The following FBN2 variants were observed in gnomAD, a reference collection of about 807,000 sequenced individuals.
FBN2 encodes the protein fibrillin-2.
In FBN2, 105 loss-of-function variants were observed where a neutral mutation model predicts 355.6. The ratio of observed to expected loss-of-function variants is 0.30; its 90% CI spans 0.25 to 0.35. The LOEUF (loss-of-function observed/expected upper bound fraction) is 0.35, where lower values mean the gene tolerates loss of function less well. FBN2 is among the 10% of genes least tolerant of loss of function. FBN2 has a pLI of 1.00. For synonymous variants in FBN2, 1,350 were observed against 1,301.2 expected (o/e 1.04, Z -0.81); for missense variants, 3,280 against 3,758.7 (o/e 0.87, Z 3.33).
intron 55 of FBN2, among the ~76,000 whole-genome samples, chr5:128,284,862 A>G (rs1377552425): frequency 1.3e-5 from 2 of 152,220 alleles, no homozygotes; most frequent in African/African-American, 4.8e-5. Context: ...ACTGCAGTGT[A>G]GAAATGGGTC....
intron 5 of FBN2, among the ~76,000 whole-genome samples, chr5:128,493,959 A>G (rs928071679): frequency 6.6e-6 from 1 of 152,150 alleles, no homozygotes; most frequent in African/African-American, 2.4e-5. Flanking sequence ...AAACCAGGGG[A>G]TGACAGCAGG....
At chr5:128,536,258 A>C in intron 2 of FBN2, 144 bp downstream of exon 2, 1 of 719,954 alleles carries the variant, frequency 1.4e-6, no homozygotes, top group Admixed American at 2.0e-5. Context: ...CCACTATTCA[A>C]ATGGGGCCGC....
At chr5:128,319,470 TTTAG>T (rs1232617210) in intron 34 of FBN2, among the ~76,000 whole-genome samples, 5 of 151,290 alleles carry the variant, frequency 3.3e-5, no homozygotes, top group East Asian at 3.9e-4. Context: ...AAATTAACTT[TTTAG>T]TTAATTTAGT....
intron 5 of FBN2, among the ~76,000 whole-genome samples, chr5:128,469,965 C>G (rs757152224): frequency 5.3e-5 from 8 of 152,154 alleles, no homozygotes; most frequent in Admixed American, 4.6e-4. Flanking sequence ...AAGATGCACA[C>G]TAATGAGTCA....
chr5:128,475,042 T>G (rs1266594512), intron 5 of FBN2, among the ~76,000 whole-genome samples: 1 of 152,172 alleles, frequency 6.6e-6, no homozygotes, highest in African/African-American at 2.4e-5. Flanking sequence ...CAAGTGACCC[T>G]GCTGGCACTG....
At chr5:128,350,419 C>T (rs1561784144) in intron 21 of FBN2, among the ~76,000 whole-genome samples, 1 of 152,228 alleles carries the variant, frequency 6.6e-6, no homozygotes, top group South Asian at 2.1e-4. Context: ...GGCATGGTGG[C>T]GGGCACCTCT....
chr5:128,473,252 C>T (rs1373309602), intron 5 of FBN2, among the ~76,000 whole-genome samples: 1 of 152,186 alleles, frequency 6.6e-6, no homozygotes, highest in Non-Finnish European at 1.5e-5. Context: ...TGTACCCTCA[C>T]ACTCTCTCCA....
At chr5:128,331,497 C>T (rs1308798034) in intron 32 of FBN2, among the ~76,000 whole-genome samples, 5 of 152,104 alleles carry the variant, frequency 3.3e-5, no homozygotes, top group Admixed American at 6.6e-5. Context: ...AGTGGAAACC[C>T]GCAGCCAAGG....
At chr5:128,461,272 T>A (rs1358075999) in intron 6 of FBN2, among the ~76,000 whole-genome samples, 1 of 152,194 alleles carries the variant, frequency 6.6e-6, no homozygotes, top group Non-Finnish European at 1.5e-5. Context: ...TCACTGATCA[T>A]CAGATAAATG....
intron 8 of FBN2, among the ~76,000 whole-genome samples, chr5:128,399,039 T>C (rs2126986600): frequency 6.6e-6 from 1 of 152,264 alleles, no homozygotes. Context: ...GAAAACAGAC[T>C]AATACAACAT....
intron 4 of FBN2, among the ~76,000 whole-genome samples, chr5:128,523,219 C>G (rs1375044244): frequency 7.9e-5 from 12 of 152,098 alleles, no homozygotes; most frequent in Admixed American, 7.9e-4. Flanking sequence ...GCATTCTAAA[C>G]CAAGTTAAAA....
At chr5:128,475,380 T>A (rs1194954950) in intron 5 of FBN2, among the ~76,000 whole-genome samples, 1 of 152,010 alleles carries the variant, frequency 6.6e-6, no homozygotes, top group African/African-American at 2.4e-5. Context: ...GGAGAGTGAA[T>A]CCTTTCAATA....
intron 56 of FBN2, 49 bp downstream of exon 56, chr5:128,280,143 G>T: frequency 1.3e-6 from 2 of 1,514,834 alleles, no homozygotes; most frequent in South Asian, 2.3e-5. Context: ...ATGACATCAT[G>T]AACAGATGTT....
At chr5:128,397,067 T>C (rs1752670051) in intron 8 of FBN2, among the ~76,000 whole-genome samples, 1 of 152,144 alleles carries the variant, frequency 6.6e-6, no homozygotes, top group Non-Finnish European at 1.5e-5. Context: ...ACTCCTTCTA[T>C]TTCTCCCCAA....
At chr5:128,411,949 C>T (rs979752256) in intron 7 of FBN2, among the ~76,000 whole-genome samples, 1 of 152,136 alleles carries the variant, frequency 6.6e-6, no homozygotes, top group Non-Finnish European at 1.5e-5. Context: ...AGTATTATAT[C>T]CACAAATATA....
At chr5:128,490,141 G>A (rs1438998387) in intron 5 of FBN2, among the ~76,000 whole-genome samples, 1 of 152,038 alleles carries the variant, frequency 6.6e-6, no homozygotes, top group Non-Finnish European at 1.5e-5. Context: ...TATACAACAA[G>A]CATGTATTAT....
At chr5:128,295,900 T>C (rs1351230857) in intron 48 of FBN2, among the ~76,000 whole-genome samples, 1 of 142,024 alleles carries the variant, frequency 7.0e-6, no homozygotes, top group Non-Finnish European at 1.5e-5. Flanking sequence ...AGAGAGGGCA[T>C]CCCTGTCTTG....
chr5:128,337,420 C>G (rs1750871627), intron 27 of FBN2, among the ~76,000 whole-genome samples: 1 of 152,192 alleles, frequency 6.6e-6, no homozygotes, highest in Admixed American at 6.5e-5. Flanking sequence ...AGCCAGTATA[C>G]TAGGAACATA....
intron 55 of FBN2, among the ~76,000 whole-genome samples, 198 bp from the exon 56 acceptor site, chr5:128,280,515 T>A (rs1048728248): frequency 1.3e-5 from 2 of 152,210 alleles, no homozygotes; most frequent in Non-Finnish European, 2.9e-5. Context: ...CTTAAGATAA[T>A]GTTGTCTTCT....
Sources: allele counts gnomAD v4.1 joint callset (sites outside exome capture counted in the v4.1 genomes callset), GRCh38; gene constraint gnomAD v4.1.1; transcripts MANE v1.5; gene names NCBI Gene and HGNC (gene_info 2026-07-23, HGNC 2026-07-21).